The following KLF12 variants were observed in gnomAD, a reference collection of about 807,000 sequenced individuals.
KLF12 encodes the protein KLF transcription factor 12, also known as Krueppel-like factor 12.
Under a neutral mutation model 37.8 loss-of-function variants are expected in KLF12, and 9 were observed. That is an observed-to-expected ratio of 0.24 (90% CI 0.14 to 0.42). The LOEUF (loss-of-function observed/expected upper bound fraction) is 0.42, where lower values mean the gene tolerates loss of function less well. Among genes scored for constraint, KLF12 ranks in the 10% least tolerant of loss-of-function variants. The pLI, the probability that KLF12 is intolerant of heterozygous loss-of-function variation, is 1.00. For missense variants in KLF12, 411 were observed against 516.0 expected, an observed-to-expected ratio of 0.80 and a Z score of 1.97; for synonymous variants, 208 against 202.1, an observed-to-expected ratio of 1.03 and a Z score of -0.25.
chr13:74,248,472 G>C, the KLF12 span, among the ~76,000 whole-genome samples: 26 of 152,276 alleles, frequency 1.7e-4, no homozygotes, highest in African/African-American at 6.0e-4. Flanking sequence ...AGAATAAGGA[G>C]AGCTTAAAGA....
chr13:74,185,822 T>A, the KLF12 span, among the ~76,000 whole-genome samples: 5 of 152,210 alleles, frequency 3.3e-5, no homozygotes, highest in African/African-American at 1.2e-4. Context: ...TTTTGTATTT[T>A]TAATAGAGAC....
At position 73,984,254 on chromosome 13, in the gene KLF12, C is replaced by A. The variant is rs1230642293; in HGVS notation, c.33+10736G>T. Reference sequence around the variant, plus strand: ...TCATTTTTGGGTTATAAGAGCCACCCTGGCGGGACTCGGGGCAGTAGTGAA... The same window carrying A: ...TCATTTTTGGGTTATAAGAGCCACCATGGCGGGACTCGGGGCAGTAGTGAA... On this transcript the variant is annotated intron_variant, in intron 2 of 7. Coordinates refer to ENST00000377669, the MANE Select transcript of KLF12 (RefSeq NM_007249.5). Among the ~76,000 whole-genome samples, 4 of 152,190 alleles carry A rather than the reference C, an allele frequency of 2.6e-5. No individual in the cohort carries two copies. The East Asian group carries it at 7.7e-4, about 29-fold the overall frequency.
chr13:73,805,610 AAGGGAGGGAGGGAGGGAGGGAGGG>A (rs1175434136), intron 5 of KLF12, among the ~76,000 whole-genome samples: 2 of 67,024 alleles, frequency 3.0e-5, no homozygotes, highest in African/African-American at 6.6e-5. Flanking sequence ...TGTCAGAAGG[AAGGGAGGGAGGGAGGGAGGGAGGG>A]AGGGAGGGAG....
chr13:74,070,946 T>C (rs771553178), intron 1 of KLF12, among the ~76,000 whole-genome samples: 4 of 152,344 alleles, frequency 2.6e-5, no homozygotes, highest in Middle Eastern at 3.4e-3. Context: ...GAACAACTTA[T>C]AGAAGACAGC....
Position 73,849,375 on chromosome 13 carries a change from T to TAAAAAAAA in KLF12, c.124-3010_124-3003dup, listed in dbSNP as rs574332239. Among the ~76,000 whole-genome samples the TAAAAAAAA allele has an allele frequency of 1.8e-4, 18 of 98,962 alleles. 1 individual carries two copies. The highest frequency in any genetic ancestry group is 8.2e-4 in the African/African-American group (17 of 20,786). The allele number at this position is 98,962 out of a possible 152,430, so 64.9% of individuals were successfully genotyped here. A position where few individuals can be genotyped will look rare whatever the true frequency, so the allele number is the denominator to read the frequency against. The stretch of plus-strand genomic sequence containing the variant: ...GCTTGGGCAACAGAGGGAGACTCCA[T>TAAAAAAAA]AAAAAAAAAAAAAAAAAAAAAAAAA... On this transcript the variant is annotated intron_variant, in intron 3 of 7. Coordinates refer to ENST00000377669, the MANE Select transcript of KLF12 (RefSeq NM_007249.5).
intron 3 of KLF12, among the ~76,000 whole-genome samples, chr13:73,941,654 C>G (rs1055277236): frequency 1.3e-5 from 2 of 152,056 alleles, no homozygotes; most frequent in Non-Finnish European, 2.9e-5. Flanking sequence ...TGAAAGTCAC[C>G]AAAATTCTAG....
At chr13:73,752,929 T>G (rs1878884808) in intron 6 of KLF12, among the ~76,000 whole-genome samples, 2 of 152,030 alleles carry the variant, frequency 1.3e-5, no homozygotes, top group Middle Eastern at 3.4e-3. Flanking sequence ...ATTTTTGTAT[T>G]TTTTAGTAGA....
chr13:74,222,991 C>T, the KLF12 span, among the ~76,000 whole-genome samples: 1 of 152,156 alleles, frequency 6.6e-6, no homozygotes, highest in East Asian at 1.9e-4. Flanking sequence ...AAATTGCTAA[C>T]CCTTGTTGAT....
At chr13:74,242,893 C>T in the KLF12 span, among the ~76,000 whole-genome samples, 1 of 152,168 alleles carries the variant, frequency 6.6e-6, no homozygotes, top group Non-Finnish European at 1.5e-5. Flanking sequence ...CCTCTCACTG[C>T]CACCCACTGC....
At chr13:73,843,961 C>A (rs1884883076) in intron 4 of KLF12, among the ~76,000 whole-genome samples, 1 of 151,954 alleles carries the variant, frequency 6.6e-6, no homozygotes, top group Non-Finnish European at 1.5e-5. Flanking sequence ...TAAATTTTAG[C>A]AATATTACTT....
chr13:74,021,304 A>G (rs925989137), intron 1 of KLF12, among the ~76,000 whole-genome samples: 1 of 152,174 alleles, frequency 6.6e-6, no homozygotes, highest in South Asian at 2.1e-4. Flanking sequence ...GAAAAAAAAA[A>G]GATGCCTTAC....
rs1204230001 is a variant in KLF12 at position 74,027,861 on chromosome 13, T to C, written c.-31-32808A>G. On this transcript the variant is annotated intron_variant, in intron 1 of 7. Transcript: ENST00000377669. ...GATGCATTAAAGAGTCTTTTTAATTTAGTTTCAACGTGTGCTTTATTATAA... is the reference window on the plus strand; with the variant it reads ...GATGCATTAAAGAGTCTTTTTAATTCAGTTTCAACGTGTGCTTTATTATAA... 3.3e-5 allele frequency among the ~76,000 whole-genome samples: 5 copies of C among 152,338 alleles called. No homozygotes were observed. In the East Asian group the frequency reaches 9.6e-4, roughly 29 times the overall value.
chr13:73,707,087 C>T lies in KLF12; in HGVS notation c.1027+8281G>A, dbSNP rs141711209. ...TGCTGGGTAGACATGCATAGGAGCA[C>T]GGTTCCAGTGAAGAGAGAAGACTCG... On this transcript the variant is annotated intron_variant, in intron 7 of 7. Coordinates refer to ENST00000377669, the MANE Select transcript of KLF12 (RefSeq NM_007249.5). Among the ~76,000 whole-genome samples, 578 of 152,190 alleles carry T rather than the reference C, an allele frequency of 3.8e-3. 5 individuals carry two copies. Among genetic ancestry groups the T allele is most frequent in the African/African-American group, 0.013 (536 of 41,518 alleles).
At chr13:74,284,974 A>T in the KLF12 span, among the ~76,000 whole-genome samples, 1 of 152,182 alleles carries the variant, frequency 6.6e-6, no homozygotes, top group African/African-American at 2.4e-5. Context: ...ACTGTGAGCT[A>T]ATAATTTCCA....
chr13:73,717,239 G>A (rs1875885576), intron 6 of KLF12, among the ~76,000 whole-genome samples: 1 of 152,166 alleles, frequency 6.6e-6, no homozygotes, highest in Non-Finnish European at 1.5e-5. Context: ...GGGAAGCTGA[G>A]GCAGGAGAAC....
At chr13:74,168,864 A>C in the KLF12 span, among the ~76,000 whole-genome samples, 1 of 152,198 alleles carries the variant, frequency 6.6e-6, no homozygotes, top group Non-Finnish European at 1.5e-5. Flanking sequence ...CAAAGAAGAA[A>C]AGCTTTTGTG....
chr13:74,095,570 A>C (rs1284918183), intron 1 of KLF12, among the ~76,000 whole-genome samples: 1 of 151,804 alleles, frequency 6.6e-6, no homozygotes. Context: ...GTGTGTGTAC[A>C]TAGAGATAAG....
At chr13:74,202,428 A>C in the KLF12 span, among the ~76,000 whole-genome samples, 8 of 152,122 alleles carry the variant, frequency 5.3e-5, no homozygotes, top group African/African-American at 1.9e-4. Flanking sequence ...CTGAGGAACT[A>C]GGACTGCAGA....
At chr13:73,952,889 G>A (rs147273754) in intron 2 of KLF12, among the ~76,000 whole-genome samples, 1 of 152,274 alleles carries the variant, frequency 6.6e-6, no homozygotes, top group Admixed American at 6.5e-5. Context: ...CACCACAACA[G>A]GACATGGGAA....
Sources: allele counts gnomAD v4.1 joint callset (sites outside exome capture counted in the v4.1 genomes callset), GRCh38; gene constraint gnomAD v4.1.1; transcripts MANE v1.5; gene names NCBI Gene and HGNC (gene_info 2026-07-23, HGNC 2026-07-21).